The following GPC5 variants were observed in gnomAD, a reference collection of about 807,000 sequenced individuals.
GPC5 encodes glypican 5.
GPC5 carries 47 observed loss-of-function variants against 53.9 expected under a neutral mutation model. That is an observed-to-expected ratio of 0.87 (90% CI 0.69 to 1.11). GPC5 has a LOEUF of 1.11. Among genes scored for constraint, GPC5 ranks in the 50% most tolerant of loss-of-function variants. The probability of loss-of-function intolerance (pLI) is 0.00; values close to 1 mark genes in which losing one functional copy is unlikely to be tolerated. For synonymous variants in GPC5, 286 were observed against 263.3 expected (o/e 1.09, Z -0.84); for missense variants, 748 against 713.1 (o/e 1.05, Z -0.56).
intron 7 of GPC5, among the ~76,000 whole-genome samples, chr13:92,685,252 C>T (rs1387336044): frequency 6.6e-6 from 1 of 152,004 alleles, no homozygotes; most frequent in African/African-American, 2.4e-5. Flanking sequence ...ACCACCATGC[C>T]CAGCTGATTT....
At chr13:92,777,670 G>A (rs1566414081) in intron 7 of GPC5, among the ~76,000 whole-genome samples, 1 of 152,164 alleles carries the variant, frequency 6.6e-6, no homozygotes, top group Admixed American at 6.6e-5. Context: ...TTTCAATTTG[G>A]TAAATGCCTT....
chr13:92,625,216 C>T (rs1885010013), intron 7 of GPC5, among the ~76,000 whole-genome samples: 1 of 152,030 alleles, frequency 6.6e-6, no homozygotes, highest in African/African-American at 2.4e-5. Flanking sequence ...TTAAAATGTT[C>T]ATTGATAGGA....
chr13:92,231,093 TG>T (rs1265121142), intron 7 of GPC5, among the ~76,000 whole-genome samples: 20 of 152,278 alleles, frequency 1.3e-4, no homozygotes, highest in Non-Finnish European at 2.5e-4. Context: ...CAGCTTCTTA[TG>T]GGTAAATATG....
At chr13:92,349,757 C>T (rs1224547464) in intron 7 of GPC5, among the ~76,000 whole-genome samples, 1 of 151,928 alleles carries the variant, frequency 6.6e-6, no homozygotes, top group Non-Finnish European at 1.5e-5. Context: ...AAAAATTTTC[C>T]CATCGAAGAA....
At chr13:92,142,986 T>G (rs1300475156) in intron 6 of GPC5, among the ~76,000 whole-genome samples, 3 of 152,346 alleles carry the variant, frequency 2.0e-5, no homozygotes, top group Admixed American at 2.0e-4. Context: ...AATATTGTAC[T>G]AGAATATATA....
intron 7 of GPC5, among the ~76,000 whole-genome samples, chr13:92,708,690 A>G (rs1366892888): frequency 6.6e-6 from 1 of 151,192 alleles, no homozygotes; most frequent in East Asian, 1.9e-4. Flanking sequence ...GGGAGAAGAG[A>G]TGTTATTAGA....
chr13:92,287,359 G>C (rs34755752), intron 7 of GPC5, among the ~76,000 whole-genome samples: 1,877 of 152,198 alleles, frequency 0.012, 37 homozygotes, highest in Middle Eastern at 0.044. Flanking sequence ...TGTTCTTTAA[G>C]TGTCTGTAAG....
rs1403897833 is a variant in GPC5 at position 91,693,419 on chromosome 13, T to C, written c.558T>C (p.Ser186=). The change falls in exon 3 of 8, where the codon AGT becomes AGC. Residue 186 remains serine, a synonymous_variant. Transcript: ENST00000377067. ...NHLINPGVTD[S]SLEYSECIRM... is the part of the protein sequence containing the mutation. ...TCATTAACCCTGGTGTGACTGACAG[T>C]TCCCTGGAATACTCAGAATGCATCC... 1 of 1,614,002 alleles carries C rather than the reference T, an allele frequency of 6.2e-7. No individual in the cohort carries two copies. The highest frequency in any genetic ancestry group is 2.2e-5 in the East Asian group (1 of 44,892).
intron 7 of GPC5, among the ~76,000 whole-genome samples, chr13:92,841,233 A>G (rs1878418507): frequency 6.6e-6 from 1 of 152,178 alleles, no homozygotes; most frequent in South Asian, 2.1e-4. Context: ...CATTATTAAC[A>G]GTCAGTCTTA....
At chr13:91,456,392 A>G (rs1881555158) in intron 2 of GPC5, among the ~76,000 whole-genome samples, 2 of 151,916 alleles carry the variant, frequency 1.3e-5, no homozygotes, top group African/African-American at 4.8e-5. Context: ...CAATCCATGG[A>G]AAGAAATAAA....
chr13:92,527,843 G>A (rs573576837), intron 7 of GPC5, among the ~76,000 whole-genome samples: 1 of 151,996 alleles, frequency 6.6e-6, no homozygotes, highest in Non-Finnish European at 1.5e-5. Flanking sequence ...CTAATTTCAA[G>A]CTACAAATAG....
intron 6 of GPC5, among the ~76,000 whole-genome samples, chr13:92,012,059 T>C (rs1246278314): frequency 6.6e-6 from 1 of 152,192 alleles, no homozygotes; most frequent in East Asian, 1.9e-4. Flanking sequence ...ATGTAGAACT[T>C]CTAGAAAATA....
intron 6 of GPC5, among the ~76,000 whole-genome samples, chr13:92,111,658 A>T (rs1158093992): frequency 1.3e-5 from 2 of 152,312 alleles, no homozygotes; most frequent in East Asian, 3.9e-4. Context: ...TTGGAAATAC[A>T]AAGAGAAATA....
chr13:92,643,787 T>A (rs1885672497), intron 7 of GPC5, among the ~76,000 whole-genome samples: 1 of 148,790 alleles, frequency 6.7e-6, no homozygotes, highest in African/African-American at 2.5e-5. Context: ...AGATGACGAG[T>A]TAGTGGGTGC....
intron 1 of GPC5, among the ~76,000 whole-genome samples, chr13:91,430,319 A>AGCCAACTGTGCCCTTGGT (rs1879356297): frequency 6.6e-6 from 1 of 152,232 alleles, no homozygotes; most frequent in Admixed American, 6.5e-5. Flanking sequence ...CCACACTGAT[A>AGCCAACTGTGCCCTTGGT]GCCAACTGTG....
At chr13:92,249,627 C>T (rs117107225) in intron 7 of GPC5, among the ~76,000 whole-genome samples, 2 of 151,960 alleles carry the variant, frequency 1.3e-5, no homozygotes, top group Admixed American at 6.6e-5. Context: ...CTGAGTCTGA[C>T]TGAAAATTTT....
At chr13:91,877,363 G>C (rs2039215132) in intron 5 of GPC5, among the ~76,000 whole-genome samples, 1 of 152,184 alleles carries the variant, frequency 6.6e-6, no homozygotes, top group Admixed American at 6.6e-5. Context: ...CGGGAGGGAG[G>C]CTGTACCCTG....
At chr13:92,632,437 A>G (rs1236084657) in intron 7 of GPC5, among the ~76,000 whole-genome samples, 1 of 145,988 alleles carries the variant, frequency 6.8e-6, no homozygotes, top group Non-Finnish European at 1.5e-5. Context: ...TAGCTTTTCT[A>G]TTCTTTTGGA....
chr13:92,168,151 A>G (rs1184670119), intron 7 of GPC5, among the ~76,000 whole-genome samples: 1 of 152,124 alleles, frequency 6.6e-6, no homozygotes, highest in Non-Finnish European at 1.5e-5. Flanking sequence ...GAGTCTGTCT[A>G]CTTGGCCCTT....
Sources: gnomAD v4.1 joint callset for allele counts (sites outside exome capture counted in the v4.1 genomes callset) on GRCh38, gnomAD v4.1.1 for gene constraint, MANE v1.5 for transcripts, NCBI Gene and HGNC (gene_info 2026-07-23, HGNC 2026-07-21) for gene names.